FGD4: variants seen among roughly 807,000 people sequenced by gnomAD.
FGD4 encodes the protein FYVE, RhoGEF and PH domain containing 4.
Under a neutral mutation model 102.0 loss-of-function variants are expected in FGD4, and 42 were observed. That is an observed-to-expected ratio of 0.41 (90% CI 0.32 to 0.53). The LOEUF (loss-of-function observed/expected upper bound fraction) is 0.53. FGD4 is among the 20% of genes least tolerant of loss of function. The probability of loss-of-function intolerance (pLI) is 0.21; values close to 1 mark genes in which losing one functional copy is unlikely to be tolerated. For synonymous variants in FGD4, 380 were observed against 375.7 expected, an observed-to-expected ratio of 1.01 and a Z score of -0.13; for missense variants, 902 against 1,078.2, an observed-to-expected ratio of 0.84 and a Z score of 2.29.
At chr12:32,537,418 C>T (rs1361263407) in intron 1 of FGD4, among the ~76,000 whole-genome samples, 1 of 152,168 alleles carries the variant, frequency 6.6e-6, no homozygotes, top group Admixed American at 6.5e-5. Flanking sequence ...CCCTTGACCT[C>T]CTGGAGTCCA....
At chr12:32,462,660 G>A (rs1295364454) in intron 1 of FGD4, among the ~76,000 whole-genome samples, 1 of 152,106 alleles carries the variant, frequency 6.6e-6, no homozygotes, top group Admixed American at 6.6e-5. Flanking sequence ...TTTCTTTTTA[G>A]GTTTATTTTT....
At position 32,534,231 on chromosome 12, in the gene FGD4, A is replaced by G. The variant is rs914478935; in HGVS notation, c.167-29906A>G. The G allele has an allele frequency of 6.0e-5, 67 of 1,119,724 alleles. No homozygotes were observed. In the South Asian group the frequency reaches 2.0e-3, roughly 34 times the overall value. The allele number at this position is 1,119,724 out of a possible 1,614,324, so 69.4% of individuals were successfully genotyped here. On this transcript the variant is annotated intron_variant, in intron 1 of 16. Transcript: ENST00000534526. Reference sequence around the variant, plus strand: ...GTGCTCATACACTCCCTCTCATGCAATGTACTGCAGCAGTCCGTCCTCTGG... The same window carrying G: ...GTGCTCATACACTCCCTCTCATGCAGTGTACTGCAGCAGTCCGTCCTCTGG...
At chr12:32,631,935 A>G (rs1461385969) in intron 14 of FGD4, among the ~76,000 whole-genome samples, 1 of 152,232 alleles carries the variant, frequency 6.6e-6, no homozygotes, top group East Asian at 1.9e-4. Context: ...TTGTCAAAAT[A>G]CTGTGCTATG....
At chr12:32,492,070 A>T (rs1240815732) in intron 1 of FGD4, among the ~76,000 whole-genome samples, 2 of 152,256 alleles carry the variant, frequency 1.3e-5, no homozygotes, top group East Asian at 3.8e-4. Context: ...TTAGAAAGTC[A>T]GATAGTGACT....
At chr12:32,491,240 C>T (rs1286502324) in intron 1 of FGD4, among the ~76,000 whole-genome samples, 1 of 146,016 alleles carries the variant, frequency 6.8e-6, no homozygotes, top group Non-Finnish European at 1.5e-5. Flanking sequence ...CTTAAGGAAA[C>T]AATTAAACTC....
chr12:32,570,425 ATTTAT>A (rs1945566278), intron 2 of FGD4, among the ~76,000 whole-genome samples: 4 of 151,570 alleles, frequency 2.6e-5, no homozygotes, highest in Admixed American at 6.6e-5. Context: ...ATAGGAGTTT[ATTTAT>A]TTATTTATTT....
At chr12:32,626,446 GAAAAA>G (rs34938382) in intron 14 of FGD4, among the ~76,000 whole-genome samples, 24 of 101,878 alleles carry the variant, frequency 2.4e-4, no homozygotes, top group Admixed American at 4.2e-4. Context: ...CTCCATCTCA[GAAAAA>G]AAAAAAAAAA....
intron 3 of FGD4, chr12:32,579,559 C>T (rs1044247231): frequency 1.3e-5 from 2 of 152,216 alleles, no homozygotes; most frequent in African/African-American, 2.4e-5. Flanking sequence ...CAAAGCCATC[C>T]TTTAGATAAG....
intron 1 of FGD4, among the ~76,000 whole-genome samples, chr12:32,424,777 A>ATG (rs1941773394): frequency 6.6e-6 from 1 of 152,202 alleles, no homozygotes; most frequent in Admixed American, 6.5e-5. Flanking sequence ...CTGGTGTGAG[A>ATG]TGGTATCTCA....
chr12:32,492,680 GTA>G (rs1279605460), intron 1 of FGD4, among the ~76,000 whole-genome samples: 1 of 152,096 alleles, frequency 6.6e-6, no homozygotes, highest in Non-Finnish European at 1.5e-5. Flanking sequence ...ATGTGTAGAG[GTA>G]TATGAATGTA....
At chr12:32,405,849 TG>T (rs1940909890) in intron 1 of FGD4, among the ~76,000 whole-genome samples, 1 of 152,250 alleles carries the variant, frequency 6.6e-6, no homozygotes, top group Admixed American at 6.5e-5. Context: ...AGTACTTACT[TG>T]TATTGCTCTT....
intron 1 of FGD4, among the ~76,000 whole-genome samples, chr12:32,464,217 AT>A (rs1943189913): frequency 6.6e-6 from 1 of 152,130 alleles, no homozygotes; most frequent in Admixed American, 6.6e-5. Context: ...CACTGGTGCA[AT>A]CTCAGCTCGC....
chr12:32,528,217 G>A (rs371489791), intron 1 of FGD4, among the ~76,000 whole-genome samples: 4 of 152,186 alleles, frequency 2.6e-5, no homozygotes, highest in Non-Finnish European at 4.4e-5. Flanking sequence ...GATTACAGGC[G>A]TGAGCCACCG....
At chr12:32,636,736 A>G (rs1020866821) in intron 15 of FGD4, among the ~76,000 whole-genome samples, 12 of 152,144 alleles carry the variant, frequency 7.9e-5, no homozygotes, top group African/African-American at 2.9e-4. Context: ...GGAGACCAAC[A>G]TGAATAACAC....
At chr12:32,627,841 A>C (rs1950269177) in intron 14 of FGD4, among the ~76,000 whole-genome samples, 1 of 152,202 alleles carries the variant, frequency 6.6e-6, no homozygotes, top group Non-Finnish European at 1.5e-5. Flanking sequence ...TAAAAAGAGC[A>C]GGAAAGCTAG....
intron 11 of FGD4, among the ~76,000 whole-genome samples, chr12:32,622,856 G>C (rs1949928543): frequency 6.6e-6 from 1 of 152,196 alleles, no homozygotes; most frequent in Non-Finnish European, 1.5e-5. Context: ...GCCTCCCAAA[G>C]TGCTGGGATT....
chr12:32,520,425 G>GTTTTTTTTTTTTTTTTTTT (rs572548423), intron 1 of FGD4, among the ~76,000 whole-genome samples: 1 of 111,364 alleles, frequency 9.0e-6, no homozygotes, highest in South Asian at 2.6e-4. Flanking sequence ...TCTATTGTGG[G>GTTTTTTTTTTTTTTTTTTT]TTTTTTTGTT....
chr12:32,507,846 G>T (rs1938938365), intron 1 of FGD4, among the ~76,000 whole-genome samples: 1 of 152,172 alleles, frequency 6.6e-6, no homozygotes. Flanking sequence ...TGACAATGAT[G>T]GGGATTAATG....
At chr12:32,603,818 G>A (rs766061421) in intron 7 of FGD4, among the ~76,000 whole-genome samples, 22 of 150,866 alleles carry the variant, frequency 1.5e-4, no homozygotes, top group Admixed American at 2.6e-4. Flanking sequence ...TCCTCCCACC[G>A]CAGCCTCTCA....
Sources: allele counts gnomAD v4.1 joint callset (sites outside exome capture counted in the v4.1 genomes callset), GRCh38; gene constraint gnomAD v4.1.1; transcripts MANE v1.5; gene names NCBI Gene and HGNC (gene_info 2026-07-23, HGNC 2026-07-21).